MBP: variants seen among roughly 807,000 people sequenced by gnomAD.
MBP encodes the protein Golli-MBP.
In MBP, 16 loss-of-function variants were observed where a neutral mutation model predicts 35.8. That is an observed-to-expected ratio of 0.45 (90% confidence interval 0.30 to 0.68). The LOEUF (loss-of-function observed/expected upper bound fraction) is 0.68, where lower values mean the gene tolerates loss of function less well. MBP is among the 30% of genes least tolerant of loss of function. The pLI, the probability that MBP is intolerant of heterozygous loss-of-function variation, is 0.08. For synonymous variants in MBP, 143 were observed against 159.6 expected, an observed-to-expected ratio of 0.90 and a Z score of 0.78; for missense variants, 380 against 404.7, an observed-to-expected ratio of 0.94 and a Z score of 0.52.
intron 2 of MBP, among the ~76,000 whole-genome samples, chr18:77,083,121 C>G (rs1975042406): frequency 6.6e-6 from 1 of 152,076 alleles, no homozygotes; most frequent in Non-Finnish European, 1.5e-5. Context: ...CCACCATGCC[C>G]TGCTAAGATT....
At chr18:77,000,177 T>C (rs1970555096) in intron 4 of MBP, among the ~76,000 whole-genome samples, 1 of 152,326 alleles carries the variant, frequency 6.6e-6, no homozygotes, top group Middle Eastern at 3.4e-3. Flanking sequence ...AGAAAAATAA[T>C]ACATGCTCAT....
At chr18:77,074,595 C>T (rs1227513023) in intron 2 of MBP, among the ~76,000 whole-genome samples, 7 of 152,004 alleles carry the variant, frequency 4.6e-5, no homozygotes, top group Non-Finnish European at 1.0e-4. Context: ...AGGAGATGCT[C>T]GGGGAACATG....
rs532680567 is a variant in MBP at position 76,999,516 on chromosome 18, C to T, written c.577-9456G>A. On this transcript the variant is annotated intron_variant, in intron 4 of 8. Transcript: ENST00000355994. ...TGTTGTCCAGGCTGAAATGCAGTAG[C>T]GTGATCTTGGCTCACTGCAACCTCG... Among the ~76,000 whole-genome samples, 16 of 151,146 alleles carry T rather than the reference C, an allele frequency of 1.1e-4. No individual in the cohort carries two copies. In the South Asian group the frequency reaches 1.7e-3, roughly 16 times the overall value.
At chr18:77,116,389 C>T (rs1166744044) in intron 1 of MBP, among the ~76,000 whole-genome samples, 1 of 152,180 alleles carries the variant, frequency 6.6e-6, no homozygotes, top group Non-Finnish European at 1.5e-5. Flanking sequence ...ACAAAGGATG[C>T]TAGCAAGTGA....
intron 1 of MBP, among the ~76,000 whole-genome samples, chr18:77,132,128 G>C (rs1205376973): frequency 6.6e-6 from 1 of 152,036 alleles, no homozygotes; most frequent in Non-Finnish European, 1.5e-5. Flanking sequence ...GGCCGCTTTT[G>C]ACCGCCGTCC....
chr18:77,049,194 C>T (rs558993520), intron 3 of MBP, among the ~76,000 whole-genome samples: 17 of 150,116 alleles, frequency 1.1e-4, no homozygotes, highest in African/African-American at 4.2e-4. Flanking sequence ...GCTGGGATTA[C>T]AGGTGTGAGC....
chr18:77,026,547 T>G (rs4890877), intron 3 of MBP, among the ~76,000 whole-genome samples: 2 of 151,918 alleles, frequency 1.3e-5, no homozygotes, highest in African/African-American at 4.8e-5. Flanking sequence ...TCCCCTTTTA[T>G]TAGAGATCTC....
intron 1 of MBP, chr18:77,112,604 C>CCACAA (rs1271417863): frequency 6.6e-6 from 1 of 152,370 alleles, no homozygotes; most frequent in African/African-American, 2.4e-5. Flanking sequence ...TCTGTCCCAC[C>CCACAA]CACAAGCTCG....
chr18:77,005,410 G>A (rs977239631), intron 4 of MBP: 7 of 152,172 alleles, frequency 4.6e-5, no homozygotes, highest in Admixed American at 3.3e-4. Context: ...CCACAGCTCC[G>A]GGAAGCAGGG....
chr18:76,997,855 T>A (rs1970384781), intron 4 of MBP, among the ~76,000 whole-genome samples: 1 of 152,168 alleles, frequency 6.6e-6, no homozygotes, highest in African/African-American at 2.4e-5. Flanking sequence ...CTGATTTTTT[T>A]GTATTTTTAG....
At chr18:77,033,276 C>T (rs1317654892) in intron 3 of MBP, among the ~76,000 whole-genome samples, 4 of 152,086 alleles carry the variant, frequency 2.6e-5, no homozygotes, top group Admixed American at 6.5e-5. Flanking sequence ...CCAAACATGG[C>T]TGACTTTGAT....
In MBP at chr18:76,989,878, C is replaced by T; in HGVS notation, c.681+78G>A. 1 of 1,292,698 alleles carries T rather than the reference C, an allele frequency of 7.7e-7. No individual in the cohort carries two copies. The allele number at this position is 1,292,698 out of a possible 1,614,324, so 80.1% of individuals were successfully genotyped here. On this transcript the variant is annotated intron_variant, in intron 5 of 8. Transcript: ENST00000355994. The surrounding 1 kb of genome is among the most constrained non-coding windows in gnomAD (Gnocchi z 4.0). ...GTGCCACCCCCGAGCGTACGAACGT[C>T]CTGTGTGGATGACAGCAGTGGCCAG...
intron 3 of MBP, among the ~76,000 whole-genome samples, chr18:77,062,265 G>A (rs1219675942): frequency 2.6e-5 from 4 of 152,168 alleles, no homozygotes; most frequent in Non-Finnish European, 5.9e-5. Context: ...CAACTCTGGC[G>A]GGAGAAGAGG....
At chr18:77,075,212 A>G (rs1007233944) in intron 2 of MBP, among the ~76,000 whole-genome samples, 2 of 152,216 alleles carry the variant, frequency 1.3e-5, no homozygotes, top group Non-Finnish European at 2.9e-5. Flanking sequence ...CTTTCTGGAG[A>G]TGCAGTTTCT....
chr18:77,075,942 A>G (rs1197550158), intron 2 of MBP, among the ~76,000 whole-genome samples: 1 of 152,254 alleles, frequency 6.6e-6, no homozygotes, highest in African/African-American at 2.4e-5. Context: ...CAACGGGCAT[A>G]AAATGCTGAT....
chr18:77,100,475 T>C (rs1975952487), intron 2 of MBP, among the ~76,000 whole-genome samples: 1 of 151,660 alleles, frequency 6.6e-6, no homozygotes, highest in African/African-American at 2.4e-5. Context: ...GAGGCACTAA[T>C]ACAGTGTTAG....
intron 4 of MBP, chr18:77,005,231 C>T (rs952267861): frequency 1.3e-5 from 2 of 152,202 alleles, no homozygotes; most frequent in African/African-American, 4.8e-5. Flanking sequence ...CAAACGGCAC[C>T]TGTCAGAGGC....
chr18:77,021,630 C>T (rs577674920), intron 3 of MBP, among the ~76,000 whole-genome samples: 8 of 152,062 alleles, frequency 5.3e-5, no homozygotes, highest in Admixed American at 2.0e-4. Context: ...ATTACAGGCG[C>T]CTGCCACTGT....
At position 77,044,710 on chromosome 18, in the gene MBP, A is replaced by T. The variant is rs1973158020; in HGVS notation, c.139+21588T>A. Among the ~76,000 whole-genome samples the T allele has an allele frequency of 6.6e-6, 1 of 152,216 alleles. No homozygotes were observed. The stretch of plus-strand genomic sequence containing the variant: ...ACGTGAATAAACAAAGTCAGATCTG[A>T]AATGCTTAAAAGCAAATTAAACTTA... On this transcript the variant is annotated intron_variant, in intron 3 of 8. Transcript: ENST00000355994. This position sits in a 1 kb window ranked among gnomAD's most constrained non-coding sequence, Gnocchi z 4.4.
Sources: allele counts gnomAD v4.1 joint callset (sites outside exome capture counted in the v4.1 genomes callset), GRCh38; gene constraint gnomAD v4.1.1; non-coding constraint Gnocchi (gnomAD v3.1); transcripts MANE v1.5; gene names NCBI Gene and HGNC (gene_info 2026-07-23, HGNC 2026-07-21).